APMAP: variants seen among roughly 807,000 people sequenced by gnomAD.
The protein encoded by APMAP is adipocyte plasma membrane associated protein.
APMAP carries 33 observed loss-of-function variants against 43.6 expected under a neutral mutation model. The observed-to-expected ratio is 0.76, with a 90% CI of 0.57 to 1.01. The LOEUF (loss-of-function observed/expected upper bound fraction) is 1.01. APMAP is among the 50% of genes least tolerant of loss of function. The pLI, the probability that APMAP is intolerant of heterozygous loss-of-function variation, is 0.00. For synonymous variants in APMAP, 224 were observed against 216.7 expected, an observed-to-expected ratio of 1.03 and a Z score of -0.30; for missense variants, 498 against 540.7, an observed-to-expected ratio of 0.92 and a Z score of 0.78.
At chr20:24,980,768 C>T (rs554719811) in intron 2 of APMAP, among the ~76,000 whole-genome samples, 35 of 150,982 alleles carry the variant, frequency 2.3e-4, no homozygotes, top group Non-Finnish European at 4.6e-4. Flanking sequence ...CAGCTTCGCT[C>T]GGCCTCGGTC....
At chr20:24,968,756 G>A in intron 8 of APMAP, 136 bp downstream of exon 8, 1 of 855,922 alleles carries the variant, frequency 1.2e-6, no homozygotes, top group Non-Finnish European at 1.7e-6. Context: ...TCAGGATGAA[G>A]AATGAAATGT....
chr20:24,964,847 T>C (rs772939827), intron 8 of APMAP, among the ~76,000 whole-genome samples: 5 of 151,980 alleles, frequency 3.3e-5, no homozygotes, highest in Admixed American at 6.5e-5. Flanking sequence ...TCACTGGAAA[T>C]GTTCAAGCAG....
chr20:24,967,996 A>G (rs2087960911), intron 8 of APMAP, among the ~76,000 whole-genome samples: 1 of 152,268 alleles, frequency 6.6e-6, no homozygotes, highest in Non-Finnish European at 1.5e-5. Context: ...GCCCAGCAAC[A>G]GGACTCAGCA....
intron 5 of APMAP, 23 bp downstream of exon 5, chr20:24,971,437 G>A: frequency 1.3e-6 from 2 of 1,589,846 alleles, no homozygotes; most frequent in South Asian, 1.1e-5. Flanking sequence ...CTTCATAGAA[G>A]GAAACGAGAT....
chr20:24,990,997 A>G (rs2088187286), intron 1 of APMAP, among the ~76,000 whole-genome samples: 1 of 152,252 alleles, frequency 6.6e-6, no homozygotes, highest in Non-Finnish European at 1.5e-5. Flanking sequence ...GCAGTAAAAG[A>G]TGACTTTAGA....
rs1308679079 is a variant in APMAP, at chr20:24,992,719, C to T, written c.-31G>A. On this transcript the variant is annotated 5_prime_UTR_variant, in exon 1 of 9. Coordinates refer to ENST00000217456, the MANE Select transcript of APMAP (RefSeq NM_020531.3). ...GGGCGCCAGCCTCACCCGCAGAAAC[C>T]ACCTCACACTGAGCGGCGCCGGCTC... The T allele has an allele frequency of 5.5e-6, 8 of 1,457,270 alleles. No homozygotes were observed. The East Asian group carries it at 8.2e-5, about 15-fold the overall frequency. The allele number at this position is 1,457,270 out of a possible 1,614,324, so 90.3% of individuals were successfully genotyped here.
chr20:24,966,036 T>A (rs1380131216), intron 8 of APMAP, among the ~76,000 whole-genome samples: 1 of 152,154 alleles, frequency 6.6e-6, no homozygotes, highest in Non-Finnish European at 1.5e-5. Context: ...CGTTGTCCCT[T>A]AGGGACCTGG....
chr20:24,987,546 T>C (rs2088158322), intron 1 of APMAP, among the ~76,000 whole-genome samples: 1 of 152,196 alleles, frequency 6.6e-6, no homozygotes, highest in Non-Finnish European at 1.5e-5. Flanking sequence ...CAGAGAGAGT[T>C]GGTGGTTGCC....
chr20:24,978,738 GCT>G (rs1491040581), intron 3 of APMAP, 27 bp downstream of exon 3: 8 of 1,310,754 alleles, frequency 6.1e-6, no homozygotes, highest in South Asian at 1.2e-5. Context: ...AGCCTGGAAG[GCT>G]CCCCCCCCAC....
Position 24,978,094 on chromosome 20 carries a change from G to A in APMAP, c.328+673C>T, listed in dbSNP as rs146928734. The stretch of plus-strand genomic sequence containing the variant: ...AACAGTGTGCTTCAGAATAACAAGC[G>A]GCACTTCCAAAGAAGCTGCTCAGCA... On this transcript the variant is annotated intron_variant, in intron 3 of 8. Transcript: ENST00000217456. Among the ~76,000 whole-genome samples, 80 of 152,270 alleles carry A rather than the reference G, an allele frequency of 5.3e-4. 1 individual carries two copies. In the East Asian group the frequency reaches 0.012, roughly 22 times the overall value.
intron 2 of APMAP, 94 bp downstream of exon 2, chr20:24,983,809 C>T (rs1032591954): frequency 1.2e-6 from 1 of 842,586 alleles, no homozygotes. Flanking sequence ...CCTTTCAGAT[C>T]AGATTGATTT....
At chr20:24,984,071 A>C in intron 1 of APMAP, 52 bp from the exon 2 acceptor site, 1 of 1,486,230 alleles carries the variant, frequency 6.7e-7, no homozygotes, top group Non-Finnish European at 9.3e-7. Context: ...AGACAGTGAC[A>C]AGGTTGGCTG....
chr20:24,970,322 G>A lies in APMAP; in HGVS notation c.588C>T (p.Asn196=). 6.2e-7 allele frequency: 1 copy of A among 1,613,820 alleles called. No individual in the cohort carries two copies. The highest frequency in any genetic ancestry group is 2.2e-5 in the East Asian group (1 of 44,864). ...CTGTAAGATCATTCACAAAGGACAT[G>A]TTCTTCCCCTCAATGGGTGTCTCGG... ...LSSETPIEGK[N]MSFVNDLTVT... Residue 196 remains asparagine, a synonymous_variant, in exon 6 of 9, where the codon AAC becomes AAT. Transcript: ENST00000217456.
intron 2 of APMAP, among the ~76,000 whole-genome samples, chr20:24,981,567 C>T (rs2088104957): frequency 6.6e-6 from 1 of 152,188 alleles, no homozygotes; most frequent in Admixed American, 6.5e-5. Context: ...TTATACAGTG[C>T]TTCTATTTGC....
Position 24,983,996 on chromosome 20 carries a change from C to G in APMAP, c.119G>C (p.Arg40Pro). ...AACAGCCAGCATCAAGAAGGTCACTCGGAAAACTCTGCCGCTAAAGGAGCT... is the reference window on the plus strand; with the variant it reads ...AACAGCCAGCATCAAGAAGGTCACTGGGAAAACTCTGCCGCTAAAGGAGCT... ...DGSSFSGRVF[R>P]VTFLMLAVSL... The change falls in exon 2 of 9, where the codon CGA becomes CCA. Residue 40 changes from arginine to proline, a missense_variant. Arg to Pro is a moderately radical substitution (Grantham distance 103). Transcript: ENST00000217456. 6.2e-7 allele frequency: 1 copy of G among 1,613,566 alleles called. No individual in the cohort carries two copies. The highest frequency in any genetic ancestry group is 8.5e-7 in the Non-Finnish European group (1 of 1,179,704).
In APMAP at chr20:24,963,981, G is replaced by A. The variant is rs746317654; in HGVS notation, c.1083C>T (p.Tyr361=). Residue 361 remains tyrosine (Y), a synonymous_variant, in exon 9 of 9, where the codon TAC becomes TAT. Transcript: ENST00000217456. ...TGTCGCTGAGTTCTAGGACGAGGCT[G>A]TACCGCGGCACAAACTTCATCACCG... ...QETVMKFVPR[Y]SLVLELSDSG... is the part of the protein sequence containing the mutation. 6.2e-7 allele frequency: 1 copy of A among 1,614,242 alleles called. No individual in the cohort carries two copies. The highest frequency in any genetic ancestry group is 8.5e-7 in the Non-Finnish European group (1 of 1,180,036).
At chr20:24,981,926 C>T (rs923017771) in intron 2 of APMAP, among the ~76,000 whole-genome samples, 6 of 152,218 alleles carry the variant, frequency 3.9e-5, no homozygotes, top group Admixed American at 1.3e-4. Context: ...AGTCAGCACC[C>T]GCTGGGATGG....
chr20:24,988,067 T>C (rs1158568262), intron 1 of APMAP, among the ~76,000 whole-genome samples: 1 of 152,166 alleles, frequency 6.6e-6, no homozygotes, highest in Non-Finnish European at 1.5e-5. Context: ...TGCACTCTGG[T>C]ACTGAGTCCA....
chr20:24,990,845 T>G (rs1020115284), intron 1 of APMAP, among the ~76,000 whole-genome samples: 16 of 152,168 alleles, frequency 1.1e-4, no homozygotes, highest in Non-Finnish European at 4.4e-5. Flanking sequence ...GACCTCACTT[T>G]GAAAGAGATC....
Sources: gnomAD v4.1 joint callset for allele counts (sites outside exome capture counted in the v4.1 genomes callset) on GRCh38, gnomAD v4.1.1 for gene constraint, MANE v1.5 for transcripts, NCBI Gene and HGNC (gene_info 2026-07-23, HGNC 2026-07-21) for gene names.